Variants in GRIN3A observed in about 807,000 individuals in gnomAD.
The protein encoded by GRIN3A is glutamate receptor ionotropic, NMDA 3A.
A neutral mutation model predicts 92.4 loss-of-function variants in GRIN3A; 47 were observed. The ratio of observed to expected loss-of-function variants is 0.51; its 90% CI spans 0.40 to 0.65. GRIN3A has a LOEUF of 0.65. GRIN3A is among the 30% of genes least tolerant of loss of function. GRIN3A has a pLI of 0.00. For synonymous variants in GRIN3A, 527 were observed against 540.6 expected, an observed-to-expected ratio of 0.97 and a Z score of 0.35; for missense variants, 1,324 against 1,393.1, an observed-to-expected ratio of 0.95 and a Z score of 0.79.
chr9:101,618,404 C>T (rs566766726), intron 5 of GRIN3A, among the ~76,000 whole-genome samples: 55 of 152,192 alleles, frequency 3.6e-4, no homozygotes, highest in Non-Finnish European at 5.7e-4. Flanking sequence ...ACAGACACTT[C>T]TGAAAAGAAG....
chr9:101,586,861 C>T (rs1378649346), intron 6 of GRIN3A, among the ~76,000 whole-genome samples: 1 of 152,192 alleles, frequency 6.6e-6, no homozygotes, highest in Non-Finnish European at 1.5e-5. Flanking sequence ...GGAGATGAGT[C>T]ATTTCCAATG....
intron 5 of GRIN3A, among the ~76,000 whole-genome samples, chr9:101,619,585 C>T (rs1000566878): frequency 6.6e-6 from 1 of 152,282 alleles, no homozygotes; most frequent in African/African-American, 2.4e-5. Context: ...GGTGAGGAAC[C>T]TGAAGAGTAG....
intron 3 of GRIN3A, among the ~76,000 whole-genome samples, chr9:101,644,470 A>AAC (rs941396545): frequency 2.0e-5 from 3 of 151,672 alleles, no homozygotes; most frequent in Non-Finnish European, 4.4e-5. Flanking sequence ...CAAAAAAAAA[A>AAC]AAAAAAAACA....
Position 101,569,560 on chromosome 9 carries a change from C to G in GRIN3A, c.*3614G>C, listed in dbSNP as rs1404366295. On this transcript the variant is annotated 3_prime_UTR_variant, in exon 9 of 9. Transcript: ENST00000361820. The stretch of plus-strand genomic sequence containing the variant: ...AAAATGAAGACACAATGCAAATACT[C>G]TTCACAAACCTTAAGAAAATACTTA... 6.6e-6 allele frequency: 1 copy of G among 152,052 alleles called. No homozygotes were observed. The highest frequency in any genetic ancestry group is 2.4e-5 in the African/African-American group (1 of 41,382). The allele number at this position is 152,052 out of a possible 1,614,324, so 9.4% of individuals were successfully genotyped here. A position where few individuals can be genotyped will look rare whatever the true frequency, so the allele number is the denominator to read the frequency against.
chr9:101,728,973 C>T lies in GRIN3A; in HGVS notation c.699+8308G>A, dbSNP rs141527722. The stretch of plus-strand genomic sequence containing the variant: ...TTGTTACTGTGATACAGATGAAGCC[C>T]GTATGAAAAAGGGGAGACTGCTGAA... On this transcript the variant is annotated intron_variant, in intron 1 of 8. Transcript: ENST00000361820. Among the ~76,000 whole-genome samples the T allele has an allele frequency of 3.1e-4, 47 of 152,178 alleles. No homozygotes were observed. In the South Asian group the frequency reaches 7.7e-3, roughly 25 times the overall value.
chr9:101,622,069 C>G (rs1323065981), intron 5 of GRIN3A, among the ~76,000 whole-genome samples: 1 of 152,178 alleles, frequency 6.6e-6, no homozygotes, highest in Non-Finnish European at 1.5e-5. Flanking sequence ...AGTTCCATCC[C>G]TGCTTCAGGT....
At chr9:101,615,523 A>T (rs1828434281) in intron 5 of GRIN3A, among the ~76,000 whole-genome samples, 1 of 151,374 alleles carries the variant, frequency 6.6e-6, no homozygotes, top group Admixed American at 6.6e-5. Context: ...CACCCAGCTA[A>T]TTTTTTGTAT....
chr9:101,687,338 T>C lies in GRIN3A; in HGVS notation c.700-138A>G, dbSNP rs564155727. 4 of 857,176 alleles carry C rather than the reference T, an allele frequency of 4.7e-6. No individual in the cohort carries two copies. The East Asian group carries it at 1.0e-4, about 22-fold the overall frequency. 53.1% of individuals were successfully genotyped at this position (857,176 alleles called of 1,614,324 possible). On this transcript the variant is annotated intron_variant, in intron 1 of 8. Coordinates refer to ENST00000361820, the MANE Select transcript of GRIN3A (RefSeq NM_133445.3). ...AGTTCTGGGATAAAATTCCCATAGT[T>C]TGGAAAACTATGCTTCCTGTCTAAT...
chr9:101,706,953 C>T lies in GRIN3A; in HGVS notation c.700-19753G>A, dbSNP rs77610448. On this transcript the variant is annotated intron_variant, in intron 1 of 8. Coordinates refer to ENST00000361820, the MANE Select transcript of GRIN3A (RefSeq NM_133445.3). Reference sequence around the variant, plus strand: ...CCTTCTCACTTTCAAATGAAACTCACAGATTTCAGAAAAGAAACCACAATC... The same window carrying T: ...CCTTCTCACTTTCAAATGAAACTCATAGATTTCAGAAAAGAAACCACAATC... Among the ~76,000 whole-genome samples, 886 of 152,242 alleles carry T rather than the reference C, an allele frequency of 5.8e-3. 8 individuals are homozygous for T. The highest frequency in any genetic ancestry group is 0.021 in the African/African-American group (858 of 41,538).
intron 7 of GRIN3A, among the ~76,000 whole-genome samples, chr9:101,578,884 A>T (rs574887698): frequency 1.3e-5 from 2 of 152,304 alleles, no homozygotes; most frequent in East Asian, 3.9e-4. Context: ...AGAACCTAGG[A>T]AATAAATCTT....
At chr9:101,709,594 T>C (rs1391558536) in intron 1 of GRIN3A, among the ~76,000 whole-genome samples, 1 of 152,206 alleles carries the variant, frequency 6.6e-6, no homozygotes, top group African/African-American at 2.4e-5. Context: ...AAAATTTTAT[T>C]TTTTTACTTG....
At position 101,738,317 on chromosome 9, in the gene GRIN3A, G is replaced by T. The variant is rs567638510; in HGVS notation, c.-338C>A. 54 of 344,822 alleles carry T rather than the reference G, an allele frequency of 1.6e-4. No individual in the cohort carries two copies. The highest frequency in any genetic ancestry group is 1.1e-3 in the African/African-American group (50 of 45,010). The allele number at this position is 344,822 out of a possible 1,614,324, so 21.4% of individuals were successfully genotyped here. On this transcript the variant is annotated 5_prime_UTR_variant, in exon 1 of 9. Transcript: ENST00000361820. ...GCAGGGCGCCTCGGGCACTGCGTCC[G>T]GCCCCGCGAGGCGGCCGGGATGAGA...
At chr9:101,582,494 C>T (rs563179842) in intron 6 of GRIN3A, among the ~76,000 whole-genome samples, 6 of 152,286 alleles carry the variant, frequency 3.9e-5, no homozygotes, top group South Asian at 4.1e-4. Flanking sequence ...TAGGGAAGCA[C>T]GTTGGACCCC....
At chr9:101,583,277 A>G (rs543332007) in intron 6 of GRIN3A, among the ~76,000 whole-genome samples, 2 of 152,318 alleles carry the variant, frequency 1.3e-5, no homozygotes, top group East Asian at 3.9e-4. Flanking sequence ...ACTATTCGCT[A>G]TAACAACTAT....
At chr9:101,734,275 C>A (rs913524218) in intron 1 of GRIN3A, among the ~76,000 whole-genome samples, 3 of 152,060 alleles carry the variant, frequency 2.0e-5, no homozygotes, top group African/African-American at 7.2e-5. Context: ...TCATATTCAG[C>A]ATCATTATTT....
chr9:101,723,296 G>A (rs978985850), intron 1 of GRIN3A, among the ~76,000 whole-genome samples: 4 of 151,956 alleles, frequency 2.6e-5, no homozygotes, highest in African/African-American at 4.8e-5. Flanking sequence ...TCGCTGGCTC[G>A]GGAGTGAAGC....
At chr9:101,695,231 A>G (rs937426057) in intron 1 of GRIN3A, among the ~76,000 whole-genome samples, 2 of 152,192 alleles carry the variant, frequency 1.3e-5, no homozygotes, top group Non-Finnish European at 2.9e-5. Context: ...TGGTGCATTC[A>G]GTTCATTTAA....
intron 1 of GRIN3A, among the ~76,000 whole-genome samples, chr9:101,709,741 T>C (rs1829856489): frequency 6.6e-6 from 1 of 152,212 alleles, no homozygotes; most frequent in Admixed American, 6.6e-5. Context: ...AATTGTAAAA[T>C]GCATATCAAG....
At chr9:101,722,710 A>G (rs1470673968) in intron 1 of GRIN3A, among the ~76,000 whole-genome samples, 2 of 152,176 alleles carry the variant, frequency 1.3e-5, no homozygotes, top group East Asian at 3.9e-4. Context: ...TTGGACTTGC[A>G]TAGGCCCTGT....
Sources: allele counts gnomAD v4.1 joint callset (sites outside exome capture counted in the v4.1 genomes callset), GRCh38; gene constraint gnomAD v4.1.1; transcripts MANE v1.5; gene names NCBI Gene and HGNC (gene_info 2026-07-23, HGNC 2026-07-21).